ADGB: variants seen among roughly 807,000 people sequenced by gnomAD.
ADGB encodes androglobin, also known as calpain-7-like protein.
A neutral mutation model predicts 210.5 loss-of-function variants in ADGB; 172 were observed. The ratio of observed to expected loss-of-function variants is 0.82; its 90% CI spans 0.72 to 0.93. The LOEUF is 0.93. Ranked by LOEUF, ADGB falls within the 40% of genes least tolerant of loss-of-function variation. The pLI, the probability that ADGB is intolerant of heterozygous loss-of-function variation, is 0.00. For synonymous variants in ADGB, 658 were observed against 662.7 expected, an observed-to-expected ratio of 0.99 and a Z score of 0.11; for missense variants, 2,025 against 1,964.8, an observed-to-expected ratio of 1.03 and a Z score of -0.58.
At chr6:146,750,775 A>G (rs1777309413) in intron 26 of ADGB, among the ~76,000 whole-genome samples, 1 of 152,152 alleles carries the variant, frequency 6.6e-6, no homozygotes, top group Non-Finnish European at 1.5e-5. Flanking sequence ...AGAGGTTTCC[A>G]AACTATTGGT....
intron 1 of ADGB, among the ~76,000 whole-genome samples, chr6:146,626,884 T>C (rs1486415538): frequency 1.3e-5 from 2 of 152,052 alleles, no homozygotes; most frequent in Non-Finnish European, 2.9e-5. Flanking sequence ...TGACAACAAT[T>C]ACATTTATAT....
At chr6:146,668,598 A>G (rs1040687952) in intron 7 of ADGB, among the ~76,000 whole-genome samples, 3 of 152,096 alleles carry the variant, frequency 2.0e-5, no homozygotes, top group Non-Finnish European at 4.4e-5. Flanking sequence ...ATGAGATTTT[A>G]AAAGTATGGA....
intron 31 of ADGB, among the ~76,000 whole-genome samples, chr6:146,785,346 T>A (rs1777858568): frequency 6.6e-6 from 1 of 152,162 alleles, no homozygotes; most frequent in Non-Finnish European, 1.5e-5. Context: ...CAGGAACCAC[T>A]GCATCTAAGA....
At chr6:146,686,063 A>G (rs541442771) in intron 10 of ADGB, among the ~76,000 whole-genome samples, 8 of 152,258 alleles carry the variant, frequency 5.3e-5, no homozygotes, top group African/African-American at 1.9e-4. Context: ...AAAAGAAAAA[A>G]TACATAGTCA....
chr6:146,795,709 A>T (rs1562303291), intron 33 of ADGB, among the ~76,000 whole-genome samples: 1 of 152,198 alleles, frequency 6.6e-6, no homozygotes, highest in Non-Finnish European at 1.5e-5. Context: ...AGTGTAAATT[A>T]GCTCAACCAT....
intron 13 of ADGB, among the ~76,000 whole-genome samples, chr6:146,703,703 TG>T (rs1776526627): frequency 6.6e-6 from 1 of 152,000 alleles, no homozygotes; most frequent in African/African-American, 2.4e-5. Flanking sequence ...TCCATTCATC[TG>T]TGGATGGACA....
At chr6:146,622,181 A>G (rs111838674) in intron 1 of ADGB, among the ~76,000 whole-genome samples, 1 of 152,088 alleles carries the variant, frequency 6.6e-6, no homozygotes. Context: ...CATTAGTATT[A>G]GTTTTCTATG....
intron 8 of ADGB, among the ~76,000 whole-genome samples, chr6:146,674,020 G>A (rs1436345066): frequency 6.6e-6 from 1 of 152,070 alleles, no homozygotes; most frequent in Non-Finnish European, 1.5e-5. Flanking sequence ...AGAGGAGCAG[G>A]GACAACATCA....
In ADGB at chr6:146,807,331, C is replaced by G. The variant is rs1342516137; in HGVS notation, c.4818+5320C>G. ...GCATAAGGACAGGCTAAAGGAATTT[C>G]ATTTTTTTCTTTCTGGGAACGTAAG... On this transcript the variant is annotated intron_variant, in intron 35 of 35. Transcript: ENST00000397944. 2.7e-6 allele frequency: 4 copies of G among 1,472,038 alleles called. No homozygotes were observed. In the African/African-American group the frequency reaches 5.7e-5, roughly 21 times the overall value. 91.2% of individuals were successfully genotyped at this position (1,472,038 alleles called of 1,614,324 possible).
chr6:146,642,305 C>T (rs1442470117), intron 2 of ADGB, among the ~76,000 whole-genome samples: 1 of 151,964 alleles, frequency 6.6e-6, no homozygotes, highest in Non-Finnish European at 1.5e-5. Flanking sequence ...ATTAGTTCAA[C>T]CATTGTGGAA....
intron 17 of ADGB, among the ~76,000 whole-genome samples, chr6:146,722,228 T>A (rs1055106416): frequency 9.2e-5 from 14 of 152,088 alleles, no homozygotes; most frequent in African/African-American, 3.4e-4. Context: ...AATTTGGGCA[T>A]CATCTCAGTC....
chr6:146,718,009 T>G (rs1776759159), intron 16 of ADGB, among the ~76,000 whole-genome samples: 1 of 152,168 alleles, frequency 6.6e-6, no homozygotes, highest in African/African-American at 2.4e-5. Context: ...TGCCAGGAGT[T>G]TCTGTCCTTT....
Position 146,763,924 on chromosome 6 carries a change from C to T in ADGB, c.3574C>T (p.His1192Tyr). Residue 1192 changes from histidine to tyrosine, a missense_variant, in exon 28 of 36, where the codon CAC (histidine) becomes TAC (tyrosine). Transcript: ENST00000397944. ...SQSSKHILSFHSASKKEQEVY... is the reference protein window; with the variant it reads ...SQSSKHILSFYSASKKEQEVY... ...AGCTAGCAAGCACATTCTTTCATTTCACTCTGCATCCAAGAAAGAGCAAGA... is the reference window on the plus strand; with the variant it reads ...AGCTAGCAAGCACATTCTTTCATTTTACTCTGCATCCAAGAAAGAGCAAGA... The T allele has an allele frequency of 4.5e-6, 7 of 1,550,512 alleles. No individual in the cohort carries two copies. The highest frequency in any genetic ancestry group is 6.1e-6 in the Non-Finnish European group (7 of 1,146,528).
At chr6:146,752,880 C>T (rs565117952) in intron 27 of ADGB, among the ~76,000 whole-genome samples, 166 bp downstream of exon 27, 95 of 151,970 alleles carry the variant, frequency 6.3e-4, no homozygotes, top group Middle Eastern at 6.8e-3. Flanking sequence ...AATTAGGCTC[C>T]GAAAATCATT....
chr6:146,803,832 T>A, intron 35 of ADGB: 1 of 429,138 alleles, frequency 2.3e-6, no homozygotes, highest in East Asian at 3.5e-5. Context: ...CTCAGGGCCA[T>A]TCAAACGCGG....
chr6:146,792,034 T>G (rs1004845564), intron 33 of ADGB, among the ~76,000 whole-genome samples: 2 of 151,452 alleles, frequency 1.3e-5, no homozygotes, highest in African/African-American at 4.9e-5. Context: ...CCTCCCAAAG[T>G]GCTAGGATGA....
At chr6:146,665,647 A>G (rs1381464617) in intron 6 of ADGB, among the ~76,000 whole-genome samples, 2 of 152,124 alleles carry the variant, frequency 1.3e-5, no homozygotes, top group African/African-American at 4.8e-5. Context: ...AATTTATAGC[A>G]ACATAAGTAT....
At chr6:146,786,261 A>T (rs1396134424) in intron 32 of ADGB, among the ~76,000 whole-genome samples, 3 of 150,298 alleles carry the variant, frequency 2.0e-5, no homozygotes, top group African/African-American at 7.3e-5. Context: ...GGCACCAGAG[A>T]CCCTCAGTAA....
chr6:146,730,045 C>T (rs1023318158), intron 20 of ADGB, among the ~76,000 whole-genome samples: 60 of 152,096 alleles, frequency 3.9e-4, no homozygotes, highest in African/African-American at 1.4e-3. Context: ...ACAGGACACC[C>T]AGTTAAATTC....
Sources: allele counts gnomAD v4.1 joint callset (sites outside exome capture counted in the v4.1 genomes callset), GRCh38; gene constraint gnomAD v4.1.1; transcripts MANE v1.5; gene names NCBI Gene and HGNC (gene_info 2026-07-23, HGNC 2026-07-21).